Variants in SPG11 observed in about 807,000 individuals in gnomAD.
The protein encoded by SPG11 is SPG11 vesicle trafficking associated, spatacsin.
Under a neutral mutation model 274.0 loss-of-function variants are expected in SPG11, and 222 were observed. The observed-to-expected ratio is 0.81, with a 90% confidence interval of 0.73 to 0.91. The LOEUF (loss-of-function observed/expected upper bound fraction) is 0.91, where lower values mean the gene tolerates loss of function less well. Among genes scored for constraint, SPG11 ranks in the 40% least tolerant of loss-of-function variants. The pLI is 0.00. For missense variants in SPG11, 3,114 were observed against 2,872.7 expected (o/e 1.08, Z -1.92); for synonymous variants, 1,144 against 1,039.7 (o/e 1.10, Z -1.93).
rs781270851 is a variant in SPG11 at position 44,621,840 on chromosome 15, G to A, written c.2539C>T (p.His847Tyr). Residue 847 changes from histidine (H) to tyrosine (Y), a missense_variant, in exon 14 of 40, where the codon CAT becomes TAT. Transcript: ENST00000261866. ...AGAGCCCAATTTAACACAATTCTATGGTCCTGTTTGTTAAATTCATCTTTA... is the reference window on the plus strand; with the variant it reads ...AGAGCCCAATTTAACACAATTCTATAGTCCTGTTTGTTAAATTCATCTTTA... The part of the protein sequence containing the change: ...DCKDEFNKQD[H>Y]RIVLNWALWW... The A allele has an allele frequency of 1.1e-5, 17 of 1,613,130 alleles. No homozygotes were observed. Among genetic ancestry groups the A allele is most frequent in the Non-Finnish European group, 1.4e-5 (17 of 1,179,502 alleles).
intron 19 of SPG11, among the ~76,000 whole-genome samples, chr15:44,606,318 T>G (rs2083317172): frequency 6.6e-6 from 1 of 152,188 alleles, no homozygotes. Context: ...TTAAAGACTC[T>G]CCTTATGTCA....
intron 7 of SPG11, among the ~76,000 whole-genome samples, chr15:44,636,925 CAA>C (rs370928375): frequency 1.5e-4 from 3 of 19,452 alleles, no homozygotes; most frequent in African/African-American, 9.4e-4. Flanking sequence ...GACTCCATCT[CAA>C]AAAAAAAAAA....
chr15:44,615,305 A>G (rs1446139245), intron 16 of SPG11, 58 bp downstream of exon 16: 1 of 1,503,692 alleles, frequency 6.7e-7, no homozygotes, highest in African/African-American at 1.4e-5. Flanking sequence ...TTCAGGAGTC[A>G]TATGCAAAGA....
Position 44,628,799 on chromosome 15 carries a change from T to C in SPG11, c.1937A>G (p.Tyr646Cys). The change falls in exon 10 of 40, where the codon TAC becomes TGC. Residue 646 changes from tyrosine (Y) to cysteine (C), a missense_variant. Coordinates refer to ENST00000261866, the MANE Select transcript of SPG11 (RefSeq NM_025137.4). ...LQKGVNILTSYINELRTFMIK... is the reference protein window; with the variant it reads ...LQKGVNILTSCINELRTFMIK... ...CATGAAGGTTCGAAGTTCATTAATGTAGCTAGTCAAAATGTTCACTCCTTT... is the reference window on the plus strand; with the variant it reads ...CATGAAGGTTCGAAGTTCATTAATGCAGCTAGTCAAAATGTTCACTCCTTT... 1 of 1,613,724 alleles carries C rather than the reference T, an allele frequency of 6.2e-7. No individual in the cohort carries two copies. Among genetic ancestry groups the C allele is most frequent in the Non-Finnish European group, 8.5e-7 (1 of 1,179,956 alleles).
Position 44,583,827 on chromosome 15 carries a change from C to CCTTAGGGGAATGTCGGGT in SPG11, c.5835_5852dup (p.Pro1946_Arg1951dup). ...TCCTTCACTTACTGCTGTGGACTCT[C>CCTTAGGGGAATGTCGGGT]CTTAGGGGAATGTCGGGTGCTTCTT... On this transcript the variant is annotated inframe_insertion, in exon 30 of 40. Coordinates refer to ENST00000261866, the MANE Select transcript of SPG11 (RefSeq NM_025137.4). The CCTTAGGGGAATGTCGGGT allele has an allele frequency of 6.2e-7, 1 of 1,614,184 alleles. No homozygotes were observed. The highest frequency in any genetic ancestry group is 1.3e-5 in the African/African-American group (1 of 75,052).
intron 8 of SPG11, among the ~76,000 whole-genome samples, chr15:44,629,993 C>A (rs1681801057): frequency 6.6e-6 from 1 of 151,966 alleles, no homozygotes; most frequent in Non-Finnish European, 1.5e-5. Context: ...ATTGCTTGAA[C>A]CCGGGAGGCG....
intron 30 of SPG11, among the ~76,000 whole-genome samples, chr15:44,577,156 T>C (rs2082556319): frequency 6.6e-6 from 1 of 152,154 alleles, no homozygotes; most frequent in South Asian, 2.1e-4. Context: ...TATGCGTTTC[T>C]ATGTTATGTG....
In SPG11 at chr15:44,652,277, A is replaced by C; in HGVS notation, c.870-11T>G. ...TGTCCTGGGTGTTGCCTACATTTAA[A>C]AATAATGATAGACATATGAAAAAAT... On this transcript the variant is annotated splice_polypyrimidine_tract_variant and intron_variant, in intron 4 of 39. Transcript: ENST00000261866. The C allele has an allele frequency of 6.2e-7, 1 of 1,613,934 alleles. No homozygotes were observed. Among genetic ancestry groups the C allele is most frequent in the Non-Finnish European group, 8.5e-7 (1 of 1,179,940 alleles).
intron 39 of SPG11, among the ~76,000 whole-genome samples, chr15:44,563,775 C>T (rs2082248565): frequency 6.6e-6 from 1 of 152,040 alleles, no homozygotes; most frequent in Non-Finnish European, 1.5e-5. Context: ...TACAAGTGTG[C>T]ACCACTGTGC....
chr15:44,592,271 A>T (rs1345091318), intron 27 of SPG11, 60 bp downstream of exon 27: 1 of 1,027,512 alleles, frequency 9.7e-7, no homozygotes, highest in African/African-American at 1.6e-5. Flanking sequence ...AAAACAAAAA[A>T]GTCCATGCAT....
In SPG11 at chr15:44,569,179, GAA is replaced by G. The variant is rs368971139; in HGVS notation, c.6585+217_6585+218del. Among the ~76,000 whole-genome samples the G allele has an allele frequency of 0.015, 2,285 of 147,448 alleles. 25 individuals are homozygous for G. Among genetic ancestry groups the G allele is most frequent in the Middle Eastern group, 0.034 (10 of 290 alleles). On this transcript the variant is annotated intron_variant, in intron 35 of 39. Transcript: ENST00000261866. ...AACTCCGTCTCAAAAAAAAAAAAAA[GAA>G]AAAGAAAAAAAAAATATATGGCATC...
intron 11 of SPG11, among the ~76,000 whole-genome samples, chr15:44,626,027 A>T (rs1397926350): frequency 6.6e-6 from 1 of 152,048 alleles, no homozygotes; most frequent in Non-Finnish European, 1.5e-5. Context: ...ACAAGGTACA[A>T]GGTGTAAGCC....
intron 27 of SPG11, chr15:44,590,283 A>C (rs2082871971): frequency 6.6e-6 from 1 of 152,248 alleles, no homozygotes; most frequent in African/African-American, 2.4e-5. Context: ...GATTTACATC[A>C]TTTCAACTGA....
In SPG11 at chr15:44,580,545, G is replaced by A. The variant is rs546057616; in HGVS notation, c.5866+3269C>T. ...TGTAATCCCAGCACTTTGGGAGGCC[G>A]ACGCGGGCAGATCACGAGGTCAAGA... On this transcript the variant is annotated intron_variant, in intron 30 of 39. Transcript: ENST00000261866. Among the ~76,000 whole-genome samples the A allele has an allele frequency of 6.6e-5, 10 of 152,344 alleles. 1 individual carries two copies. In the South Asian group the frequency reaches 1.9e-3, roughly 28 times the overall value.
At chr15:44,661,987 C>T (rs1009036197) in intron 1 of SPG11, among the ~76,000 whole-genome samples, 1 of 152,096 alleles carries the variant, frequency 6.6e-6, no homozygotes, top group Non-Finnish European at 1.5e-5. Context: ...AGCATATGAA[C>T]GCCCCCTTTA....
chr15:44,565,740 C>A, intron 38 of SPG11, 114 bp downstream of exon 38: 2 of 1,323,760 alleles, frequency 1.5e-6, no homozygotes, highest in Non-Finnish European at 2.1e-6. Flanking sequence ...TAAATCAGAA[C>A]TGTACTGTCC....
intron 15 of SPG11, among the ~76,000 whole-genome samples, chr15:44,619,014 A>T (rs1365050683): frequency 6.6e-6 from 1 of 152,182 alleles, no homozygotes; most frequent in African/African-American, 2.4e-5. Flanking sequence ...CATTAGTTTA[A>T]AAACCAAATG....
chr15:44,579,526 C>CAAAAAAAAAAAAAAAAAAAAAAAAAA (rs954664107), intron 30 of SPG11, among the ~76,000 whole-genome samples: 1 of 51,870 alleles, frequency 1.9e-5, no homozygotes, highest in East Asian at 5.6e-4. Context: ...GACTCCGTCT[C>CAAAAAAAAAAAAAAAAAAAAAAAAAA]AAAAAAAAAA....
chr15:44,616,819 C>T (rs1182270337), intron 15 of SPG11, among the ~76,000 whole-genome samples: 1 of 152,176 alleles, frequency 6.6e-6, no homozygotes, highest in East Asian at 1.9e-4. Flanking sequence ...CAAGGGGTAT[C>T]TAGAAAAATC....
Sources: allele counts gnomAD v4.1 joint callset (sites outside exome capture counted in the v4.1 genomes callset), GRCh38; gene constraint gnomAD v4.1.1; transcripts MANE v1.5; gene names NCBI Gene and HGNC (gene_info 2026-07-23, HGNC 2026-07-21).